The following SETD3 variants were observed in gnomAD, a reference collection of about 807,000 sequenced individuals.
The protein encoded by SETD3 is actin-histidine N-methyltransferase.
A neutral mutation model predicts 63.0 loss-of-function variants in SETD3; 19 were observed. That is an observed-to-expected ratio of 0.30 (90% confidence interval 0.21 to 0.44). SETD3 has a LOEUF of 0.44. SETD3 is among the 20% of genes least tolerant of loss of function. The pLI is 1.00. For synonymous variants in SETD3, 286 were observed against 264.1 expected (o/e 1.08, Z -0.80); for missense variants, 587 against 728.5 (o/e 0.81, Z 2.24).
intron 6 of SETD3, among the ~76,000 whole-genome samples, chr14:99,432,969 T>TA (rs1184762043): frequency 1.3e-5 from 2 of 152,138 alleles, no homozygotes; most frequent in African/African-American, 4.8e-5. Context: ...ACTGATAAAT[T>TA]AGACTTTGTT....
At chr14:99,417,025 C>T (rs1177116347) in intron 6 of SETD3, among the ~76,000 whole-genome samples, 1 of 152,252 alleles carries the variant, frequency 6.6e-6, no homozygotes, top group East Asian at 1.9e-4. Context: ...TAAAAAAGAG[C>T]AATATTGCTA....
At chr14:99,469,334 C>T (rs2139805477) in intron 1 of SETD3, among the ~76,000 whole-genome samples, 1 of 152,328 alleles carries the variant, frequency 6.6e-6, no homozygotes, top group South Asian at 2.1e-4. Context: ...GAAGCCACTC[C>T]TAGCTAAGAC....
chr14:99,410,718 A>G (rs911138106), intron 8 of SETD3, among the ~76,000 whole-genome samples: 2 of 152,218 alleles, frequency 1.3e-5, no homozygotes, highest in African/African-American at 2.4e-5. Context: ...ATTCACCAGA[A>G]TCTCTAGCCT....
chr14:99,467,936 G>C (rs956212411), intron 1 of SETD3, among the ~76,000 whole-genome samples: 1 of 152,024 alleles, frequency 6.6e-6, no homozygotes, highest in Non-Finnish European at 1.5e-5. Context: ...CTGTTCCCTG[G>C]AGCTCAGTAT....
intron 1 of SETD3, among the ~76,000 whole-genome samples, chr14:99,472,466 T>C (rs1950600): frequency 0.97 from 146,990 of 152,284 alleles, 71,129 homozygotes; most frequent in East Asian, 1. Flanking sequence ...CCGTGAATAA[T>C]TTTCATGATC....
At chr14:99,405,426 C>A in intron 9 of SETD3, 55 bp from the exon 10 acceptor site, 1 of 1,570,972 alleles carries the variant, frequency 6.4e-7, no homozygotes, top group South Asian at 1.2e-5. Flanking sequence ...GGCATGTATT[C>A]TTAACACAGG....
intron 9 of SETD3, among the ~76,000 whole-genome samples, chr14:99,405,950 A>G (rs189283616): frequency 1.3e-5 from 2 of 152,318 alleles, no homozygotes; most frequent in East Asian, 3.9e-4. Context: ...TCAATTATGG[A>G]TGTGAGTTCC....
intron 6 of SETD3, among the ~76,000 whole-genome samples, chr14:99,427,024 T>C (rs1209337884): frequency 3.9e-5 from 6 of 152,222 alleles, no homozygotes; most frequent in Admixed American, 3.9e-4. Flanking sequence ...AGGGTTTTAC[T>C]TGGCAGGCAA....
At chr14:99,438,394 A>C (rs1266373306) in intron 6 of SETD3, among the ~76,000 whole-genome samples, 1 of 152,276 alleles carries the variant, frequency 6.6e-6, no homozygotes, top group African/African-American at 2.4e-5. Flanking sequence ...GCTCGGATGC[A>C]AAGCATAGTA....
intron 6 of SETD3, among the ~76,000 whole-genome samples, chr14:99,418,827 G>C (rs1892420436): frequency 6.6e-6 from 1 of 152,118 alleles, no homozygotes; most frequent in African/African-American, 2.4e-5. Context: ...TAAACAAAAA[G>C]AAGAAAGCTG....
chr14:99,483,937 A>T (rs10144895), upstream of SETD3, among the ~76,000 whole-genome samples: 2 of 152,188 alleles, frequency 1.3e-5, no homozygotes, highest in South Asian at 4.1e-4. Flanking sequence ...ATAATGAGCA[A>T]ATTAGATGAC....
intron 1 of SETD3, among the ~76,000 whole-genome samples, chr14:99,470,806 C>G (rs1273634115): frequency 6.6e-6 from 1 of 152,154 alleles, no homozygotes; most frequent in Non-Finnish European, 1.5e-5. Context: ...TGGGACACCC[C>G]TAACTCAAAG....
intron 12 of SETD3, among the ~76,000 whole-genome samples, chr14:99,399,508 G>C (rs1891265434): frequency 6.6e-6 from 1 of 152,154 alleles, no homozygotes; most frequent in African/African-American, 2.4e-5. Context: ...AAATGAGAAA[G>C]ATGTATTTGA....
At chr14:99,412,911 C>A (rs1346820295) in intron 8 of SETD3, 40 bp downstream of exon 8, 1 of 1,377,978 alleles carries the variant, frequency 7.3e-7, no homozygotes, top group Non-Finnish European at 1.0e-6. Flanking sequence ...GCAACAACAG[C>A]CTCCCAGATT....
At chr14:99,402,726 G>A (rs1356620659) in intron 11 of SETD3, among the ~76,000 whole-genome samples, 2 of 152,202 alleles carry the variant, frequency 1.3e-5, no homozygotes, top group African/African-American at 2.4e-5. Flanking sequence ...AGAGGCACGT[G>A]CTACCACGCC....
At chr14:99,430,208 C>T (rs1160509804) in intron 6 of SETD3, among the ~76,000 whole-genome samples, 1 of 152,206 alleles carries the variant, frequency 6.6e-6, no homozygotes, top group Non-Finnish European at 1.5e-5. Context: ...CTGAATAAAG[C>T]CCTCCCTGCC....
chr14:99,484,842 A>G (rs551864302), upstream of SETD3, among the ~76,000 whole-genome samples: 18 of 152,370 alleles, frequency 1.2e-4, no homozygotes, highest in African/African-American at 4.1e-4. Flanking sequence ...CCATAATTCT[A>G]AATGTTGAAA....
upstream of SETD3, among the ~76,000 whole-genome samples, chr14:99,485,041 A>G (rs1378220178): frequency 2.0e-5 from 3 of 152,364 alleles, no homozygotes; most frequent in East Asian, 5.8e-4. Flanking sequence ...TTGTGAAAAA[A>G]TAATTGAAGA....
upstream of SETD3, chr14:99,481,145 C>T (rs1896295677): frequency 5.9e-6 from 2 of 341,374 alleles, no homozygotes; most frequent in Non-Finnish European, 1.1e-5. Flanking sequence ...CCCGCCTACG[C>T]GCCCAAGTTC....
Sources: gnomAD v4.1 joint callset for allele counts (sites outside exome capture counted in the v4.1 genomes callset) on GRCh38, gnomAD v4.1.1 for gene constraint, MANE v1.5 for transcripts, NCBI Gene and HGNC (gene_info 2026-07-23, HGNC 2026-07-21) for gene names.